The following PPP4R1 variants were observed in gnomAD, a reference collection of about 807,000 sequenced individuals.
PPP4R1 encodes serine/threonine-protein phosphatase 4 regulatory subunit 1.
A neutral mutation model predicts 111.2 loss-of-function variants in PPP4R1; 42 were observed. The ratio of observed to expected loss-of-function variants is 0.38; its 90% CI spans 0.29 to 0.49. The LOEUF (loss-of-function observed/expected upper bound fraction) is 0.49. Among genes scored for constraint, PPP4R1 ranks in the 20% least tolerant of loss-of-function variants. The pLI is 0.97. For missense variants in PPP4R1, 1,012 were observed against 1,161.6 expected, an observed-to-expected ratio of 0.87 and a Z score of 1.87; for synonymous variants, 409 against 405.5, an observed-to-expected ratio of 1.01 and a Z score of -0.10.
At chr18:9,593,498 C>T (rs2067244545) in intron 4 of PPP4R1, among the ~76,000 whole-genome samples, 1 of 151,984 alleles carries the variant, frequency 6.6e-6, no homozygotes, top group African/African-American at 2.4e-5. Flanking sequence ...TTTATTAATC[C>T]TAAAATATTA....
Position 9,550,054 on chromosome 18 carries a change from G to T in PPP4R1, c.2545C>A (p.Gln849Lys). ...SGRQAFVFVC[Q>K]TVIEDDCLPM... ...GGTAAGCCCAGGGCCTCGCTTACCT[G>T]GCAGACAAAGACAAAGGCTTGCCGA... is the stretch of plus-strand genomic sequence containing the variant. Residue 849 changes from glutamine (Q) to lysine (K), a missense_variant and splice_region_variant, in exon 18 of 20, where the codon CAG (glutamine) becomes AAG (lysine). Around this residue, in one of 2 missense-constraint regions of PPP4R1, gnomAD observed 305 missense variants for 419.5 expected, o/e 0.73. Transcript: ENST00000400556. 1.2e-6 allele frequency: 2 copies of T among 1,614,154 alleles called. No homozygotes were observed. Among genetic ancestry groups the T allele is most frequent in the Non-Finnish European group, 1.7e-6 (2 of 1,180,020 alleles).
At chr18:9,605,998 G>C (rs1197412055) in intron 2 of PPP4R1, among the ~76,000 whole-genome samples, 1 of 152,166 alleles carries the variant, frequency 6.6e-6, no homozygotes, top group Non-Finnish European at 1.5e-5. Flanking sequence ...GCTTAATTCA[G>C]GTGAAGAGTT....
At chr18:9,607,716 C>A (rs1303408594) in intron 2 of PPP4R1, among the ~76,000 whole-genome samples, 2 of 151,422 alleles carry the variant, frequency 1.3e-5, no homozygotes, top group Non-Finnish European at 2.9e-5. Context: ...AACTCTCATA[C>A]ACTTTTGGTG....
chr18:9,574,579 C>T (rs1192028525), intron 10 of PPP4R1, among the ~76,000 whole-genome samples: 1 of 152,156 alleles, frequency 6.6e-6, no homozygotes, highest in African/African-American at 2.4e-5. Flanking sequence ...ATCCATATTT[C>T]CCTAGAATAA....
rs1008275841 is a variant in PPP4R1, at chr18:9,556,136, T to G, written c.2190+1085A>C. ...AGATCCTGCCACTGCACTCCAGCCT[T>G]GTGACAGAGCGAGACTCCGAATATG... On this transcript the variant is annotated intron_variant, in intron 15 of 19. Transcript: ENST00000400556. 6.6e-4 allele frequency among the ~76,000 whole-genome samples: 98 copies of G among 147,380 alleles called. 1 individual carries two copies. The highest frequency in any genetic ancestry group is 8.0e-4 in the African/African-American group (32 of 40,186).
intron 15 of PPP4R1, among the ~76,000 whole-genome samples, chr18:9,553,795 T>A (rs2066525984): frequency 6.6e-6 from 1 of 152,364 alleles, no homozygotes; most frequent in South Asian, 2.1e-4. Context: ...AAGCCCTGCG[T>A]GTGACGCTGT....
intron 2 of PPP4R1, among the ~76,000 whole-genome samples, chr18:9,610,717 C>T (rs2067564098): frequency 6.6e-6 from 1 of 152,130 alleles, no homozygotes; most frequent in Non-Finnish European, 1.5e-5. Context: ...CCTCGGCCTC[C>T]CAAAGTGCTG....
chr18:9,567,154 C>CGATTCATG (rs2066781448), intron 11 of PPP4R1, among the ~76,000 whole-genome samples: 1 of 152,116 alleles, frequency 6.6e-6, no homozygotes, highest in African/African-American at 2.4e-5. Context: ...GGAGCATTCA[C>CGATTCATG]GATTCATGGG....
intron 11 of PPP4R1, 35 bp downstream of exon 11, chr18:9,570,122 A>C: frequency 1.4e-6 from 2 of 1,478,390 alleles, no homozygotes; most frequent in Non-Finnish European, 1.8e-6. Context: ...ATTTTTAATC[A>C]ATTTCAGAAT....
At chr18:9,560,007 A>T (rs2066647364) in intron 13 of PPP4R1, among the ~76,000 whole-genome samples, 1 of 152,176 alleles carries the variant, frequency 6.6e-6, no homozygotes, top group Admixed American at 6.5e-5. Context: ...AAAAAAACAA[A>T]AACCAGCCAG....
intron 2 of PPP4R1, among the ~76,000 whole-genome samples, chr18:9,610,049 A>T (rs1439911610): frequency 1.3e-5 from 2 of 152,252 alleles, no homozygotes; most frequent in Non-Finnish European, 2.9e-5. Flanking sequence ...TTTAAAAATA[A>T]CATTCTTCAA....
In PPP4R1 at chr18:9,584,835, T is replaced by G; in HGVS notation, c.586-7A>C. On this transcript the variant is annotated splice_region_variant and splice_polypyrimidine_tract_variant and intron_variant, in intron 6 of 19. Transcript: ENST00000400556. ...GAGCCATTTTGCACATTATCTAAAA[T>G]AAGTAAGAACAAACACACACTGAAA... The G allele has an allele frequency of 6.3e-7, 1 of 1,590,846 alleles. No individual in the cohort carries two copies. Among genetic ancestry groups the G allele is most frequent in the Non-Finnish European group, 8.6e-7 (1 of 1,161,732 alleles).
chr18:9,585,289 G>A (rs1030795080), intron 6 of PPP4R1, among the ~76,000 whole-genome samples: 2 of 152,106 alleles, frequency 1.3e-5, no homozygotes, highest in Non-Finnish European at 2.9e-5. Context: ...TTCAGTCCTC[G>A]CCTTGCAAAG....
At chr18:9,616,742 C>T (rs2067692367), upstream of PPP4R1, among the ~76,000 whole-genome samples, 3 of 152,166 alleles carry the variant, frequency 2.0e-5, no homozygotes, top group South Asian at 6.2e-4. Flanking sequence ...GGACTATGTA[C>T]CAAATGCTAG....
At chr18:9,600,062 C>T (rs973977084) in intron 2 of PPP4R1, among the ~76,000 whole-genome samples, 2 of 152,012 alleles carry the variant, frequency 1.3e-5, no homozygotes, top group African/African-American at 4.8e-5. Flanking sequence ...GAAGCCTACT[C>T]CTAGAAGGTA....
At chr18:9,566,162 C>T (rs1391429473) in intron 11 of PPP4R1, among the ~76,000 whole-genome samples, 2 of 151,862 alleles carry the variant, frequency 1.3e-5, no homozygotes, top group African/African-American at 4.8e-5. Flanking sequence ...CCACCCACCT[C>T]GGCCTCCCAA....
At chr18:9,593,652 G>A (rs1447961925) in intron 4 of PPP4R1, 116 bp downstream of exon 4, 6 of 908,132 alleles carry the variant, frequency 6.6e-6, no homozygotes, top group Admixed American at 5.6e-5. Flanking sequence ...TAATTACTTA[G>A]GAAATATTTT....
intron 2 of PPP4R1, among the ~76,000 whole-genome samples, chr18:9,603,409 T>C (rs564350012): frequency 6.6e-6 from 1 of 152,322 alleles, no homozygotes; most frequent in East Asian, 1.9e-4. Context: ...ACTAGGTTTT[T>C]TCAATCTGTA....
rs773265845 is a variant in PPP4R1 at position 9,577,288 on chromosome 18, G to A, written c.919-97C>T. 22 of 1,284,454 alleles carry A rather than the reference G, an allele frequency of 1.7e-5. No homozygotes were observed. In the East Asian group the frequency reaches 3.6e-4, roughly 21 times the overall value. The allele number at this position is 1,284,454 out of a possible 1,614,324, so 79.6% of individuals were successfully genotyped here. A position where few individuals can be genotyped will look rare whatever the true frequency, so the allele number is the denominator to read the frequency against. ...ATTTAATAATCTACTTTCAAATGCCGAAGTATGTTTAGGATAATAATGAAG... is the reference window on the plus strand; with the variant it reads ...ATTTAATAATCTACTTTCAAATGCCAAAGTATGTTTAGGATAATAATGAAG... On this transcript the variant is annotated intron_variant, in intron 9 of 19. Coordinates refer to ENST00000400556, the MANE Select transcript of PPP4R1 (RefSeq NM_001042388.3).
Sources: allele counts gnomAD v4.1 joint callset (sites outside exome capture counted in the v4.1 genomes callset), GRCh38; gene constraint gnomAD v4.1.1; regional missense constraint gnomAD v4.1.1; transcripts MANE v1.5; gene names NCBI Gene and HGNC (gene_info 2026-07-23, HGNC 2026-07-21).